PBX1: variants seen among roughly 807,000 people sequenced by gnomAD.
The protein encoded by PBX1 is pre-B-cell leukemia transcription factor 1.
In PBX1, 6 loss-of-function variants were observed where a neutral mutation model predicts 53.4. That is an observed-to-expected ratio of 0.11 (90% CI 0.06 to 0.22). PBX1 has a LOEUF of 0.22. Among genes scored for constraint, PBX1 ranks in the 10% least tolerant of loss-of-function variants. The pLI is 1.00. For synonymous variants in PBX1, 204 were observed against 212.3 expected (o/e 0.96, Z 0.34); for missense variants, 251 against 551.4 (o/e 0.46, Z 5.46).
chr1:164,842,362 CT>C (rs1461202725), intron 8 of PBX1, among the ~76,000 whole-genome samples: 1 of 152,134 alleles, frequency 6.6e-6, no homozygotes, highest in Non-Finnish European at 1.5e-5. Flanking sequence ...TTTGCATTAC[CT>C]TTTAGGTGAA....
At chr1:164,873,377 A>G (rs991260989) in intron 2 of PBX1, among the ~76,000 whole-genome samples, 1 of 152,238 alleles carries the variant, frequency 6.6e-6, no homozygotes, top group African/African-American at 2.4e-5. Context: ...TGTTTTGAAG[A>G]AACACAGTTA....
At chr1:164,593,243 C>A (rs1383879547) in intron 2 of PBX1, among the ~76,000 whole-genome samples, 1 of 152,158 alleles carries the variant, frequency 6.6e-6, no homozygotes, top group African/African-American at 2.4e-5. Flanking sequence ...CAGGCATGAG[C>A]CACCACGCCT....
chr1:164,630,831 A>G (rs1020835327), intron 2 of PBX1: 3 of 152,214 alleles, frequency 2.0e-5, no homozygotes, highest in African/African-American at 4.8e-5. Context: ...GTGCTTAATC[A>G]TTCCCTTCAC....
At chr1:164,567,625 T>A (rs1362576252) in intron 2 of PBX1, among the ~76,000 whole-genome samples, 1 of 152,194 alleles carries the variant, frequency 6.6e-6, no homozygotes, top group African/African-American at 2.4e-5. Flanking sequence ...CCTACAACAA[T>A]ATAACTCTGA....
intron 2 of PBX1, among the ~76,000 whole-genome samples, chr1:164,719,254 T>G (rs897466826): frequency 6.6e-6 from 1 of 152,168 alleles, no homozygotes; most frequent in Non-Finnish European, 1.5e-5. Context: ...TGGGGTAGGG[T>G]TAGGAGAAAT....
chr1:164,654,157 T>TTG (rs1349892701), intron 2 of PBX1, among the ~76,000 whole-genome samples: 1 of 152,164 alleles, frequency 6.6e-6, no homozygotes, highest in African/African-American at 2.4e-5. Flanking sequence ...TATTTGCATT[T>TTG]TGTAGATGGG....
At chr1:164,756,705 G>T (rs560423970) in intron 2 of PBX1, among the ~76,000 whole-genome samples, 2 of 152,178 alleles carry the variant, frequency 1.3e-5, no homozygotes, top group African/African-American at 2.4e-5. Flanking sequence ...ACTAAGTTTA[G>T]TGTTTATAAA....
intron 2 of PBX1, among the ~76,000 whole-genome samples, chr1:164,733,594 A>G (rs1665114271): frequency 6.6e-6 from 1 of 152,188 alleles, no homozygotes; most frequent in African/African-American, 2.4e-5. Context: ...TGGGTATACT[A>G]TGTAGTATGT....
chr1:164,836,681 C>T (rs1209407404), intron 8 of PBX1, among the ~76,000 whole-genome samples: 1 of 152,152 alleles, frequency 6.6e-6, no homozygotes, highest in Non-Finnish European at 1.5e-5. Flanking sequence ...GCCTGCTTCC[C>T]ACTATATCTC....
At chr1:164,619,271 G>T (rs973122946) in intron 2 of PBX1, among the ~76,000 whole-genome samples, 34 of 152,162 alleles carry the variant, frequency 2.2e-4, no homozygotes, top group Admixed American at 4.6e-4. Context: ...TCCTCCCTGC[G>T]CCTAAACTCA....
At chr1:164,793,403 T>A (rs534969536) in intron 3 of PBX1, among the ~76,000 whole-genome samples, 2 of 152,202 alleles carry the variant, frequency 1.3e-5, no homozygotes, top group East Asian at 1.9e-4. Flanking sequence ...CCACAGATGG[T>A]TTGTGGGACT....
chr1:164,656,619 G>A lies in PBX1; in HGVS notation c.265+93308G>A, dbSNP rs60786862. On this transcript the variant is annotated intron_variant, in intron 2 of 8. Transcript: ENST00000420696. Reference sequence around the variant, plus strand: ...CACATGGTGTGCATTTGATGCCACTGGAGGATTTGCTTTGTCAATTTAAGA... The same window carrying A: ...CACATGGTGTGCATTTGATGCCACTAGAGGATTTGCTTTGTCAATTTAAGA... 9.9e-3 allele frequency among the ~76,000 whole-genome samples: 1,508 copies of A among 152,146 alleles called. 28 individuals carry two copies. The highest frequency in any genetic ancestry group is 0.033 in the African/African-American group (1,368 of 41,514).
chr1:164,860,515 C>A (rs902129281), intron 2 of PBX1, among the ~76,000 whole-genome samples: 4 of 152,148 alleles, frequency 2.6e-5, no homozygotes, highest in African/African-American at 7.2e-5. Flanking sequence ...AAGCTTATTT[C>A]TTTCTTTTTG....
intron 2 of PBX1, among the ~76,000 whole-genome samples, chr1:164,648,795 T>C (rs889259256): frequency 1.3e-5 from 2 of 152,144 alleles, no homozygotes; most frequent in Non-Finnish European, 2.9e-5. Flanking sequence ...AGAGATTACC[T>C]TAGAGATTGA....
intron 2 of PBX1, among the ~76,000 whole-genome samples, chr1:164,740,735 A>G (rs1665560510): frequency 6.6e-6 from 1 of 152,218 alleles, no homozygotes; most frequent in Non-Finnish European, 1.5e-5. Flanking sequence ...TTCGCTCTCA[A>G]GGAACTTGCA....
At chr1:164,638,818 G>C (rs1399967755) in intron 2 of PBX1, among the ~76,000 whole-genome samples, 1 of 152,264 alleles carries the variant, frequency 6.6e-6, no homozygotes, top group Non-Finnish European at 1.5e-5. Flanking sequence ...TCCAGGGTCA[G>C]AGTGCCGGCC....
chr1:164,847,396 G>C lies in PBX1; in HGVS notation c.*720G>C. On this transcript the variant is annotated 3_prime_UTR_variant, in exon 9 of 9. Coordinates refer to ENST00000420696, the MANE Select transcript of PBX1 (RefSeq NM_002585.4). ...GGCAGGAAGTCAGGCAGCAGGGAAG[G>C]ACACGGGAACAGCAGGTGGAGAATT... 9.4e-7 allele frequency: 1 copy of C among 1,064,590 alleles called. No individual in the cohort carries two copies. Among genetic ancestry groups the C allele is most frequent in the Non-Finnish European group, 1.1e-6 (1 of 878,870 alleles). 65.9% of individuals were successfully genotyped at this position (1,064,590 alleles called of 1,614,324 possible).
intron 2 of PBX1, among the ~76,000 whole-genome samples, chr1:164,569,128 T>C (rs182441810): frequency 8.9e-4 from 135 of 152,340 alleles, no homozygotes; most frequent in African/African-American, 2.7e-3. Flanking sequence ...TAAGTAGTTA[T>C]AAGACCATAG....
At chr1:164,594,515 T>C (rs1655623089) in intron 2 of PBX1, among the ~76,000 whole-genome samples, 1 of 151,770 alleles carries the variant, frequency 6.6e-6, no homozygotes, top group Non-Finnish European at 1.5e-5. Flanking sequence ...ACTCCTGACA[T>C]GGTGATCCTC....
Sources: allele counts gnomAD v4.1 joint callset (sites outside exome capture counted in the v4.1 genomes callset), GRCh38; gene constraint gnomAD v4.1.1; transcripts MANE v1.5; gene names NCBI Gene and HGNC (gene_info 2026-07-23, HGNC 2026-07-21).